The following LGR5 variants were observed in gnomAD, a reference collection of about 807,000 sequenced individuals.
LGR5 encodes the protein leucine-rich repeat-containing G protein-coupled receptor 5.
Under a neutral mutation model 76.7 loss-of-function variants are expected in LGR5, and 54 were observed. The ratio of observed to expected loss-of-function variants is 0.70; its 90% CI spans 0.57 to 0.88. The LOEUF (loss-of-function observed/expected upper bound fraction) is 0.88. LGR5 is among the 40% of genes least tolerant of loss of function. The pLI is 0.00. For missense variants in LGR5, 1,078 were observed against 1,073.3 expected, an observed-to-expected ratio of 1.00 and a Z score of -0.06; for synonymous variants, 406 against 421.9, an observed-to-expected ratio of 0.96 and a Z score of 0.46.
chr12:71,551,856 A>T (rs1332858105), intron 4 of LGR5, among the ~76,000 whole-genome samples: 1 of 152,222 alleles, frequency 6.6e-6, no homozygotes, highest in African/African-American at 2.4e-5. Context: ...TGTTAATTTT[A>T]TTATTCATTT....
rs1284171148 is a variant in LGR5 at position 71,583,728 on chromosome 12, C to G, written c.1718C>G (p.Thr573Ser). Residue 573 changes from threonine (T) to serine (S), a missense_variant, in exon 18 of 18, where the codon ACT becomes AGT. Coordinates refer to ENST00000266674, the MANE Select transcript of LGR5 (RefSeq NM_003667.4). ...GVWTIAVLAL[T>S]CNALVTSTVF... The stretch of plus-strand genomic sequence containing the variant: ...TGGACCATAGCAGTTCTGGCACTTA[C>G]TTGTAATGCTTTGGTGACTTCAACA... 6.2e-7 allele frequency: 1 copy of G among 1,614,046 alleles called. No individual in the cohort carries two copies. The highest frequency in any genetic ancestry group is 8.5e-7 in the Non-Finnish European group (1 of 1,180,032).
intron 1 of LGR5, among the ~76,000 whole-genome samples, chr12:71,494,197 C>T (rs906014106): frequency 3.6e-4 from 54 of 150,908 alleles, no homozygotes; most frequent in Admixed American, 9.2e-4. Context: ...CTGCCCGCCT[C>T]GGCCTCCCAA....
chr12:71,562,049 T>A (rs1878086980), intron 8 of LGR5, among the ~76,000 whole-genome samples, 197 bp downstream of exon 8: 2 of 152,222 alleles, frequency 1.3e-5, no homozygotes, highest in South Asian at 4.1e-4. Context: ...TTTTTAAAGA[T>A]CACATTATGA....
intron 4 of LGR5, among the ~76,000 whole-genome samples, chr12:71,551,340 A>T (rs1877475116): frequency 6.6e-6 from 1 of 152,224 alleles, no homozygotes; most frequent in Non-Finnish European, 1.5e-5. Context: ...TCATTTCTAA[A>T]TTGTTTAATT....
intron 3 of LGR5, among the ~76,000 whole-genome samples, chr12:71,528,674 T>G (rs918907345): frequency 1.3e-5 from 2 of 152,196 alleles, no homozygotes; most frequent in Non-Finnish European, 2.9e-5. Flanking sequence ...CCTTTTAAAG[T>G]TTTTAGAGCA....
At chr12:71,499,396 A>T (rs1874490356) in intron 1 of LGR5, among the ~76,000 whole-genome samples, 1 of 152,124 alleles carries the variant, frequency 6.6e-6, no homozygotes, top group South Asian at 2.1e-4. Flanking sequence ...AATGGAGAGG[A>T]TAATGCATTC....
chr12:71,443,061 T>C (rs916333525), intron 1 of LGR5, among the ~76,000 whole-genome samples: 1 of 152,204 alleles, frequency 6.6e-6, no homozygotes, highest in Admixed American at 6.5e-5. Flanking sequence ...GAGGTTATCA[T>C]CATTTATTTA....
At chr12:71,504,802 C>A in intron 2 of LGR5, 117 bp downstream of exon 2, 10 of 849,782 alleles carry the variant, frequency 1.2e-5, no homozygotes, top group Middle Eastern at 2.2e-4. Flanking sequence ...TCAGCACCAA[C>A]AATTTCAGAA....
At chr12:71,511,744 T>C (rs1156534782) in intron 2 of LGR5, among the ~76,000 whole-genome samples, 1 of 152,138 alleles carries the variant, frequency 6.6e-6, no homozygotes, top group Non-Finnish European at 1.5e-5. Flanking sequence ...GATTCATTCA[T>C]GTGTCACCTG....
At chr12:71,533,365 AAATAAC>A (rs1407704636) in intron 3 of LGR5, among the ~76,000 whole-genome samples, 2 of 152,168 alleles carry the variant, frequency 1.3e-5, no homozygotes, top group Non-Finnish European at 2.9e-5. Context: ...ATAAATAATT[AAATAAC>A]TAAATACATA....
intron 2 of LGR5, 86 bp from the exon 3 acceptor site, chr12:71,524,318 CAT>C (rs757598258): frequency 1.2e-5 from 11 of 888,272 alleles, no homozygotes; most frequent in Admixed American, 2.4e-5. Context: ...GTGGTTTAAA[CAT>C]AGTTGTATTG....
intron 15 of LGR5, 42 bp downstream of exon 15, chr12:71,578,971 T>C: frequency 6.4e-7 from 1 of 1,551,096 alleles, no homozygotes; most frequent in Non-Finnish European, 8.7e-7. Flanking sequence ...TTTGTGGTCA[T>C]GTGAAATAAT....
In LGR5 at chr12:71,569,161, C is replaced by T. The variant is rs150084709; in HGVS notation, c.1070+2249C>T. Among the ~76,000 whole-genome samples the T allele has an allele frequency of 9.8e-4, 149 of 152,248 alleles. 1 individual carries two copies. In the East Asian group the frequency reaches 0.022, roughly 23 times the overall value. On this transcript the variant is annotated intron_variant, in intron 11 of 17. Coordinates refer to ENST00000266674, the MANE Select transcript of LGR5 (RefSeq NM_003667.4). ...CTTACACCTTATACAAAAATTAACTCAAGATGGATTAAGACTTAAATGTAA... is the reference window on the plus strand; with the variant it reads ...CTTACACCTTATACAAAAATTAACTTAAGATGGATTAAGACTTAAATGTAA...
rs536748588 is a variant in LGR5, at chr12:71,499,374, T to G, written c.213-5240T>G. 2.7e-5 allele frequency among the ~76,000 whole-genome samples: 4 copies of G among 150,198 alleles called. No individual in the cohort carries two copies. In the South Asian group the frequency reaches 6.4e-4, roughly 24 times the overall value. On this transcript the variant is annotated intron_variant, in intron 1 of 17. Transcript: ENST00000266674. ...TGGCCTTGGAAGAGATATGGGGGAG[T>G]GGTAATTTGGAAATGGAGAGGATAA...
rs547021268 is a variant in LGR5 at position 71,486,269 on chromosome 12, T to C, written c.213-18345T>C. ...ATATAAAGTCAGGTAGATGTTGTTA[T>C]CATCATTAGAGTCATATCGCTGCCA... is the stretch of plus-strand genomic sequence containing the variant. On this transcript the variant is annotated intron_variant, in intron 1 of 17. Coordinates refer to ENST00000266674, the MANE Select transcript of LGR5 (RefSeq NM_003667.4). 3.9e-5 allele frequency among the ~76,000 whole-genome samples: 6 copies of C among 152,294 alleles called. No individual in the cohort carries two copies. In the South Asian group the frequency reaches 1.2e-3, roughly 32 times the overall value.
chr12:71,524,207 T>C (rs992587809), intron 2 of LGR5, among the ~76,000 whole-genome samples, 199 bp from the exon 3 acceptor site: 1 of 152,262 alleles, frequency 6.6e-6, no homozygotes, highest in African/African-American at 2.4e-5. Flanking sequence ...ATTTATTACA[T>C]TTCTTTTTAG....
intron 1 of LGR5, among the ~76,000 whole-genome samples, chr12:71,504,114 A>C (rs1289461201): frequency 6.6e-6 from 1 of 152,134 alleles, no homozygotes; most frequent in Non-Finnish European, 1.5e-5. Flanking sequence ...GAAGGAGGGA[A>C]TAGGCTTTTT....
chr12:71,577,317 A>G (rs1179278208), intron 13 of LGR5, among the ~76,000 whole-genome samples: 1 of 152,206 alleles, frequency 6.6e-6, no homozygotes, highest in Non-Finnish European at 1.5e-5. Flanking sequence ...TTACTTGTCC[A>G]TGGGAAGTGA....
chr12:71,482,595 A>G (rs1057060312), intron 1 of LGR5, among the ~76,000 whole-genome samples: 1 of 152,128 alleles, frequency 6.6e-6, no homozygotes, highest in Non-Finnish European at 1.5e-5. Context: ...ATTTTGAGGG[A>G]ACACAATTCA....
Sources: allele counts gnomAD v4.1 joint callset (sites outside exome capture counted in the v4.1 genomes callset), GRCh38; gene constraint gnomAD v4.1.1; transcripts MANE v1.5; gene names NCBI Gene and HGNC (gene_info 2026-07-23, HGNC 2026-07-21).